ZNF814: variants seen among roughly 807,000 people sequenced by gnomAD.
The protein encoded by ZNF814 is zinc finger protein 814.
Under a neutral mutation model 7.5 loss-of-function variants are expected in ZNF814, and 5 were observed. That is an observed-to-expected ratio of 0.67 (90% CI 0.35 to 1.40). The LOEUF (loss-of-function observed/expected upper bound fraction) is 1.40, where lower values mean the gene tolerates loss of function less well. ZNF814 is among the 40% of genes most tolerant of loss of function. The pLI is 0.04. For missense variants in ZNF814, 962 were observed against 1,018.0 expected, an observed-to-expected ratio of 0.94 and a Z score of 0.75; for synonymous variants, 315 against 340.7, an observed-to-expected ratio of 0.92 and a Z score of 0.83.
intron 1 of ZNF814, among the ~76,000 whole-genome samples, chr19:57,878,931 ACACATG>A (rs2071631352): frequency 6.6e-6 from 1 of 152,110 alleles, no homozygotes; most frequent in Non-Finnish European, 1.5e-5. Context: ...ACGCACACAT[ACACATG>A]CACACAAGGG....
chr19:57,894,871 A>G, the ZNF814 span, among the ~76,000 whole-genome samples: 1 of 152,070 alleles, frequency 6.6e-6, no homozygotes, highest in African/African-American at 2.4e-5. Context: ...CATCTATCTA[A>G]TCTTATTGCT....
At chr19:57,896,886 A>G in the ZNF814 span, among the ~76,000 whole-genome samples, 3 of 152,216 alleles carry the variant, frequency 2.0e-5, no homozygotes, top group Admixed American at 2.0e-4. This position sits in a 1 kb window ranked among gnomAD's most constrained non-coding sequence, Gnocchi z 4.2. Context: ...GGGAAAAAAC[A>G]CAAGCACAGC....
At position 57,874,900 on chromosome 19, in the gene ZNF814, G is replaced by A. The variant is rs777668066; in HGVS notation, c.490C>T (p.His164Tyr). ...AAGACAGATGACTCCCCTGACACAT[G>A]CAACTTACACCTCTTTGCAAACAAC... Reference protein sequence around the residue: ...EALFAKRCKLHVSGESSVFSE... With the variant: ...EALFAKRCKLYVSGESSVFSE... Residue 164 changes from histidine to tyrosine, a missense_variant, in exon 3 of 3, where the codon CAT becomes TAT. By Grantham distance (83) the His-to-Tyr change is moderately conservative. This residue lies in a region of ZNF814 where 126 missense variants were observed against 123.5 expected (regional missense o/e 1.02). Coordinates refer to ENST00000435989, the MANE Select transcript of ZNF814 (RefSeq NM_001144989.2). The A allele has an allele frequency of 1.5e-5, 25 of 1,613,806 alleles. No homozygotes were observed. Among genetic ancestry groups the A allele is most frequent in the Non-Finnish European group, 2.0e-5 (24 of 1,179,830 alleles).
Position 57,869,394 on chromosome 19 carries a change from CA to C in ZNF814, c.*3427del, listed in dbSNP as rs1568514808. 6.9e-6 allele frequency: 1 copy of C among 145,822 alleles called. No homozygotes were observed. The highest frequency in any genetic ancestry group is 2.0e-4 in the East Asian group (1 of 4,978). 9.0% of individuals were successfully genotyped at this position (145,822 alleles called of 1,614,324 possible). A position where few individuals can be genotyped will look rare whatever the true frequency, so the allele number is the denominator to read the frequency against. On this transcript the variant is annotated 3_prime_UTR_variant, in exon 3 of 3. Coordinates refer to ENST00000435989, the MANE Select transcript of ZNF814 (RefSeq NM_001144989.2). ...AGCACCCAGGGATTATAAGAGGAAACACTTTATTACATCACTCATCTAACAT... is the reference window on the plus strand; with the variant it reads ...AGCACCCAGGGATTATAAGAGGAAACCTTTATTACATCACTCATCTAACAT...
the ZNF814 span, among the ~76,000 whole-genome samples, chr19:57,895,651 C>T: frequency 1.3e-5 from 2 of 152,230 alleles, no homozygotes; most frequent in South Asian, 2.1e-4. Flanking sequence ...TAAGCTGGGC[C>T]TCTAACCCAA....
Position 57,874,034 on chromosome 19 carries a change from C to T in ZNF814, c.1356G>A (p.Arg452=), listed in dbSNP as rs1443339743. Residue 452 remains arginine, a synonymous_variant, in exon 3 of 3, where the codon AGG becomes AGA. Transcript: ENST00000435989. ...GKSFSSEGHL[R]SHQRVHAGER... ...CTCCGGCGTGAACTCGTTGATGGCT[C>T]CTAAGATGTCCTTCTGAACTAAAAG... 1 of 1,612,180 alleles carries T rather than the reference C, an allele frequency of 6.2e-7. No homozygotes were observed. Among genetic ancestry groups the T allele is most frequent in the Non-Finnish European group, 8.5e-7 (1 of 1,179,198 alleles).
At position 57,873,064 on chromosome 19, in the gene ZNF814, C is replaced by G. The variant is rs1269487557; in HGVS notation, c.2326G>C (p.Glu776Gln). 6.2e-7 allele frequency: 1 copy of G among 1,613,888 alleles called. No individual in the cohort carries two copies. Among genetic ancestry groups the G allele is most frequent in the African/African-American group, 1.3e-5 (1 of 74,984 alleles). Reference protein sequence around the residue: ...HTGEKPYECSECGKSFAESSS... With the variant: ...HTGEKPYECSQCGKSFAESSS... ...CTTTCAGCGAAAGATTTTCCACATTCACTGCACTCATAAGGCTTTTCTCCA... is the reference window on the plus strand; with the variant it reads ...CTTTCAGCGAAAGATTTTCCACATTGACTGCACTCATAAGGCTTTTCTCCA... The change falls in exon 3 of 3, where the codon GAA becomes CAA. Residue 776 changes from glutamate (E) to glutamine (Q), a missense_variant. This residue lies in a region of ZNF814 where 665 missense variants were observed against 551.4 expected (regional missense o/e 1.21). Coordinates refer to ENST00000435989, the MANE Select transcript of ZNF814 (RefSeq NM_001144989.2).
At position 57,874,145 on chromosome 19, in the gene ZNF814, T is replaced by C. The variant is rs1487146876; in HGVS notation, c.1245A>G (p.Lys415=). ...TGAGGCTGCTCTTTTGACTAAAGGA[T>C]TTCCCACATTCTCCACATTCATAAT... ...KKHYECGECG[K]SFSQKSSLIQ... Residue 415 remains lysine (K), a synonymous_variant, in exon 3 of 3, where the codon AAA becomes AAG. Transcript: ENST00000435989. 1 of 1,595,370 alleles carries C rather than the reference T, an allele frequency of 6.3e-7. No individual in the cohort carries two copies. Among genetic ancestry groups the C allele is most frequent in the Admixed American group, 1.8e-5 (1 of 56,402 alleles).
chr19:57,889,111 C>G, upstream of ZNF814: 2 of 453,236 alleles, frequency 4.4e-6, no homozygotes, highest in Admixed American at 3.6e-5. Context: ...ATTCTGAGCC[C>G]TCAGAGGTCT....
chr19:57,878,876 G>A (rs529541763), intron 1 of ZNF814, among the ~76,000 whole-genome samples: 2 of 152,020 alleles, frequency 1.3e-5, no homozygotes, highest in Non-Finnish European at 2.9e-5. Flanking sequence ...AGAGCAGCCT[G>A]GACAACACAG....
upstream of ZNF814, among the ~76,000 whole-genome samples, chr19:57,892,926 G>A (rs2071740808): frequency 6.6e-6 from 1 of 152,248 alleles, no homozygotes; most frequent in Non-Finnish European, 1.5e-5. Flanking sequence ...GGCCCAACCA[G>A]GGCAAGTTTG....
At chr19:57,902,103 A>G in the ZNF814 span, among the ~76,000 whole-genome samples, 1 of 152,190 alleles carries the variant, frequency 6.6e-6, no homozygotes, top group South Asian at 2.1e-4. Flanking sequence ...TACTTTATAT[A>G]TGATTTCAGG....
Position 57,870,547 on chromosome 19 carries a change from G to A in ZNF814, c.*2275C>T, listed in dbSNP as rs904684531. 1.3e-5 allele frequency: 2 copies of A among 152,112 alleles called. No individual in the cohort carries two copies. Among genetic ancestry groups the A allele is most frequent in the Non-Finnish European group, 2.9e-5 (2 of 68,032 alleles). 9.4% of individuals were successfully genotyped at this position (152,112 alleles called of 1,614,324 possible). On this transcript the variant is annotated 3_prime_UTR_variant, in exon 3 of 3. Transcript: ENST00000435989. Reference sequence around the variant, plus strand: ...AGGAGAACAGCCCAGAATGAGTACAGGAATTCACAAAACCTTTAGATTATT... The same window carrying A: ...AGGAGAACAGCCCAGAATGAGTACAAGAATTCACAAAACCTTTAGATTATT...
At chr19:57,886,768 T>C (rs1049943913) in intron 1 of ZNF814, among the ~76,000 whole-genome samples, 1 of 151,834 alleles carries the variant, frequency 6.6e-6, no homozygotes, top group African/African-American at 2.4e-5. Context: ...TAATCCCAGC[T>C]ACTCGGGAGG....
chr19:57,883,629 G>A (rs112889262), intron 1 of ZNF814, among the ~76,000 whole-genome samples: 1 of 147,630 alleles, frequency 6.8e-6, no homozygotes, highest in South Asian at 2.1e-4. Context: ...CCACTGCACT[G>A]CAGCCTGGGT....
intron 1 of ZNF814, among the ~76,000 whole-genome samples, chr19:57,878,958 A>T (rs908170378): frequency 1.1e-4 from 17 of 152,082 alleles, no homozygotes; most frequent in African/African-American, 3.4e-4. Context: ...AAAAAAATTT[A>T]AAATATATAA....
intron 1 of ZNF814, among the ~76,000 whole-genome samples, chr19:57,886,817 T>G (rs1209689050): frequency 2.0e-5 from 3 of 148,148 alleles, no homozygotes; most frequent in African/African-American, 7.5e-5. Context: ...GAGGCGGAGG[T>G]TGCAGTGAGC....
Position 57,872,624 on chromosome 19 carries a change from C to A in ZNF814, c.*198G>T. 1 of 1,396,928 alleles carries A rather than the reference C, an allele frequency of 7.2e-7. No homozygotes were observed. The allele number at this position is 1,396,928 out of a possible 1,614,324, so 86.5% of individuals were successfully genotyped here. A position where few individuals can be genotyped will look rare whatever the true frequency, so the allele number is the denominator to read the frequency against. On this transcript the variant is annotated 3_prime_UTR_variant, in exon 3 of 3. Transcript: ENST00000435989. The stretch of plus-strand genomic sequence containing the variant: ...CTGTGTTTAATGAGACTGAAAGTTT[C>A]AGCAAAGGATTTCCCACATTCACTG...
chr19:57,884,867 A>T (rs1372886934), intron 1 of ZNF814, among the ~76,000 whole-genome samples: 1 of 152,204 alleles, frequency 6.6e-6, no homozygotes, highest in Non-Finnish European at 1.5e-5. Flanking sequence ...AAAAAACTAA[A>T]CATTAAGCTA....
Sources: gnomAD v4.1 joint callset for allele counts (sites outside exome capture counted in the v4.1 genomes callset) on GRCh38, gnomAD v4.1.1 for gene constraint, gnomAD v4.1.1 regional missense constraint, Gnocchi (gnomAD v3.1) non-coding constraint, MANE v1.5 for transcripts, NCBI Gene and HGNC (gene_info 2026-07-23, HGNC 2026-07-21) for gene names.